CYP2S1: variants seen among roughly 807,000 people sequenced by gnomAD.
CYP2S1 encodes cytochrome P450 2S1.
CYP2S1 carries 32 observed loss-of-function variants against 43.5 expected under a neutral mutation model. The observed-to-expected ratio is 0.74, with a 90% CI of 0.56 to 0.99. The LOEUF (loss-of-function observed/expected upper bound fraction) is 0.99, where lower values mean the gene tolerates loss of function less well. Among genes scored for constraint, CYP2S1 ranks in the 50% least tolerant of loss-of-function variants. The pLI is 0.00. For missense variants in CYP2S1, 575 were observed against 673.9 expected (o/e 0.85, Z 1.62); for synonymous variants, 283 against 302.9 (o/e 0.93, Z 0.68).
chr19:41,203,918 A>G (rs1484039653), intron 7 of CYP2S1, among the ~76,000 whole-genome samples: 1 of 150,946 alleles, frequency 6.6e-6, no homozygotes, highest in Non-Finnish European at 1.5e-5. Flanking sequence ...CTGGAGTGCA[A>G]TGGCGTGATC....
chr19:41,194,792 C>T, intron 2 of CYP2S1, 83 bp downstream of exon 2: 1 of 1,519,960 alleles, frequency 6.6e-7, no homozygotes, highest in Non-Finnish European at 8.8e-7. Context: ...CTTAGTCCCT[C>T]TGTTGCCTCA....
intron 7 of CYP2S1, among the ~76,000 whole-genome samples, chr19:41,204,608 T>C (rs2033539129): frequency 6.8e-6 from 1 of 147,698 alleles, no homozygotes; most frequent in African/African-American, 2.5e-5. Context: ...TTTTTTTTTT[T>C]TTTTTCCGAG....
At chr19:41,196,499 T>G (rs1599712138) in intron 2 of CYP2S1, among the ~76,000 whole-genome samples, 1 of 150,912 alleles carries the variant, frequency 6.6e-6, no homozygotes, top group Admixed American at 6.6e-5. Flanking sequence ...GGATCCAGGG[T>G]GATGGGGAGG....
At position 41,205,978 on chromosome 19, in the gene CYP2S1, C is replaced by T. The variant is rs542750670; in HGVS notation, c.1185C>T (p.Leu395=). 177 of 1,614,088 alleles carry T rather than the reference C, an allele frequency of 1.1e-4. 1 individual carries two copies. In the South Asian group the frequency reaches 1.9e-3, roughly 17 times the overall value. The stretch of plus-strand genomic sequence containing the variant: ...CTCAGGGCACGGAGGTCTTCCCCCT[C>T]CTTGGCTCCATCCTGCATGACCCCA... ...TLPQGTEVFP[L]LGSILHDPNI... is the part of the protein sequence containing the mutation. Residue 395 remains leucine (L), a synonymous_variant, in exon 8 of 9, where the codon CTC becomes CTT. Transcript: ENST00000310054.
intron 6 of CYP2S1, among the ~76,000 whole-genome samples, chr19:41,202,860 G>A (rs376505790): frequency 6.6e-6 from 1 of 151,956 alleles, no homozygotes. Flanking sequence ...CAGCACTTTG[G>A]GAGGCCAAGG....
At chr19:41,199,282 T>G (rs1428886097) in intron 5 of CYP2S1, among the ~76,000 whole-genome samples, 3 of 152,190 alleles carry the variant, frequency 2.0e-5, no homozygotes, top group African/African-American at 7.2e-5. Flanking sequence ...CAATTTTATG[T>G]GAATTATGGT....
Position 41,206,341 on chromosome 19 carries a change from C to T in CYP2S1, c.1368C>T (p.Thr456=), listed in dbSNP as rs140000173. The T allele has an allele frequency of 3.7e-5, 59 of 1,614,138 alleles. No individual in the cohort carries two copies. The African/African-American group carries it at 7.1e-4, about 19-fold the overall frequency. ...CGGAGCTCTTCCTCTTCTTCACCAC[C>T]ATCCTACAAGCCTTCTCCCTGGAGA... is the stretch of plus-strand genomic sequence containing the variant. ...AKAELFLFFT[T]ILQAFSLESP... is the part of the protein sequence containing the mutation. Residue 456 remains threonine (T), a synonymous_variant, in exon 9 of 9, where the codon ACC becomes ACT. Transcript: ENST00000310054.
At chr19:41,204,980 C>A (rs1599716279) in intron 7 of CYP2S1, among the ~76,000 whole-genome samples, 2 of 152,126 alleles carry the variant, frequency 1.3e-5, no homozygotes, top group South Asian at 4.1e-4. Context: ...ACATTAGAAA[C>A]AATAATAGTA....
chr19:41,193,270 G>T lies in CYP2S1; in HGVS notation c.6G>T (p.Glu2Asp). M[E>D]ATGTWALLLA... The stretch of plus-strand genomic sequence containing the variant: ...GAAGGAGCCGACCTGCCGAGATGGA[G>T]GCGACCGGCACCTGGGCGCTGCTGC... The change falls in exon 1 of 9, where the codon GAG becomes GAT. Residue 2 changes from glutamate to aspartate, a missense_variant. Transcript: ENST00000310054. 1 of 1,542,558 alleles carries T rather than the reference G, an allele frequency of 6.5e-7. No individual in the cohort carries two copies.
At chr19:41,196,855 G>GTGGA (rs2033419260) in intron 2 of CYP2S1, among the ~76,000 whole-genome samples, 1 of 152,110 alleles carries the variant, frequency 6.6e-6, no homozygotes, top group Non-Finnish European at 1.5e-5. Flanking sequence ...GATGGGATGG[G>GTGGA]TGGATGGAAG....
chr19:41,201,561 C>T (rs1292804510), intron 6 of CYP2S1, among the ~76,000 whole-genome samples, 189 bp downstream of exon 6: 1 of 151,876 alleles, frequency 6.6e-6, no homozygotes, highest in Non-Finnish European at 1.5e-5. Flanking sequence ...CAAAAATTAG[C>T]GGGTGTGGTG....
At chr19:41,205,916 G>C (rs1425708173) in intron 7 of CYP2S1, 42 bp from the exon 8 acceptor site, 1 of 1,599,282 alleles carries the variant, frequency 6.3e-7, no homozygotes, top group Non-Finnish European at 8.5e-7. Flanking sequence ...AAATGGACTG[G>C]GGTGGGAAGG....
chr19:41,201,309 A>G lies in CYP2S1; in HGVS notation c.913A>G (p.Met305Val), dbSNP rs2033485853. Residue 305 changes from methionine to valine, a missense_variant, in exon 6 of 9, where the codon ATG (methionine) becomes GTG (valine). Physicochemically the swap from Met to Val is conservative, Grantham distance 21. This residue lies in a region of CYP2S1 where 222 missense variants were observed against 306.3 expected (regional missense o/e 0.72). Coordinates refer to ENST00000310054, the MANE Select transcript of CYP2S1 (RefSeq NM_030622.8). ...CATTTATTTGCTGTTTGCTGGGACG[A>G]TGACGGTCAGCACCACGGTCGGCTA... ...TVIYLLFAGT[M>V]TVSTTVGYTL... 2.5e-6 allele frequency: 4 copies of G among 1,614,044 alleles called. No individual in the cohort carries two copies. The highest frequency in any genetic ancestry group is 1.7e-5 in the Admixed American group (1 of 59,980).
rs372288441 is a variant in CYP2S1, at chr19:41,203,488, G to A, written c.1015G>A (p.Gly339Ser). ...GGAGCTGAATCGGGAGCTGGGGGCTGGCCAGGCACCAAGCCTAGGGGACCG... is the reference window on the plus strand; with the variant it reads ...GGAGCTGAATCGGGAGCTGGGGGCTAGCCAGGCACCAAGCCTAGGGGACCG... ...REELNRELGA[G>S]QAPSLGDRTR... The change falls in exon 7 of 9, where the codon GGC becomes AGC. Residue 339 changes from glycine (G) to serine (S), a missense_variant. Gly to Ser is a moderately conservative substitution (Grantham distance 56). Transcript: ENST00000310054. 2.2e-5 allele frequency: 35 copies of A among 1,608,198 alleles called. No homozygotes were observed. The highest frequency in any genetic ancestry group is 4.5e-5 in the East Asian group (2 of 44,412).
At chr19:41,196,228 G>C (rs986853802) in intron 2 of CYP2S1, among the ~76,000 whole-genome samples, 1 of 152,086 alleles carries the variant, frequency 6.6e-6, no homozygotes, top group Non-Finnish European at 1.5e-5. Flanking sequence ...AGGATCATAG[G>C]CCTAGACAGG....
chr19:41,194,868 C>T lies in CYP2S1; in HGVS notation c.343+159C>T, dbSNP rs191373838. On this transcript the variant is annotated intron_variant, in intron 2 of 8. Transcript: ENST00000310054. ...CAGTGGCTAGTGCCTGAAATCCCAACACTTTGGGAGGCGGAGGTGGGTGGA... is the reference window on the plus strand; with the variant it reads ...CAGTGGCTAGTGCCTGAAATCCCAATACTTTGGGAGGCGGAGGTGGGTGGA... Among the ~76,000 whole-genome samples the T allele has an allele frequency of 2.3e-3, 350 of 152,186 alleles. 1 individual carries two copies. Among genetic ancestry groups the T allele is most frequent in the Non-Finnish European group, 4.0e-3 (269 of 68,016 alleles).
At chr19:41,203,755 CTG>C in intron 7 of CYP2S1, 118 bp downstream of exon 7, 1 of 950,684 alleles carries the variant, frequency 1.1e-6, no homozygotes, top group African/African-American at 1.7e-5. Context: ...CTCTCTCTCT[CTG>C]TCTTTATCTC....
intron 5 of CYP2S1, among the ~76,000 whole-genome samples, chr19:41,200,379 C>CT (rs891327089): frequency 4.7e-4 from 69 of 147,116 alleles, no homozygotes; most frequent in Admixed American, 4.8e-4. Flanking sequence ...TGGCAATCAC[C>CT]TTTTTTTTTT....
chr19:41,205,924 AG>A (rs772299226), intron 7 of CYP2S1, 33 bp from the exon 8 acceptor site: 4 of 1,603,954 alleles, frequency 2.5e-6, no homozygotes, highest in Non-Finnish European at 3.4e-6. Flanking sequence ...TGGGGTGGGA[AG>A]GGGTTTATAG....
Sources: allele counts gnomAD v4.1 joint callset (sites outside exome capture counted in the v4.1 genomes callset), GRCh38; gene constraint gnomAD v4.1.1; regional missense constraint gnomAD v4.1.1; transcripts MANE v1.5; gene names NCBI Gene and HGNC (gene_info 2026-07-23, HGNC 2026-07-21).